PIK3R5: variants seen among roughly 807,000 people sequenced by gnomAD.
PIK3R5 encodes phosphoinositide-3-kinase regulatory subunit 5, also known as phosphoinositide 3-kinase regulatory subunit 5.
A neutral mutation model predicts 94.9 loss-of-function variants in PIK3R5; 32 were observed. That is an observed-to-expected ratio of 0.34 (90% CI 0.25 to 0.45). PIK3R5 has a LOEUF of 0.45. PIK3R5 is among the 20% of genes least tolerant of loss of function. The pLI is 1.00. For missense variants in PIK3R5, 853 were observed against 1,144.6 expected (o/e 0.75, Z 3.68); for synonymous variants, 443 against 479.4 (o/e 0.92, Z 0.99).
rs143251053 is a variant in PIK3R5, at chr17:8,892,500, A to C, written c.482+1086T>G. ...CCCTTATGTGAAAAATCCCTTTCTCACGGGGTTAACGTGAGGATTAAATGA... is the reference window on the plus strand; with the variant it reads ...CCCTTATGTGAAAAATCCCTTTCTCCCGGGGTTAACGTGAGGATTAAATGA... On this transcript the variant is annotated intron_variant, in intron 6 of 18. Transcript: ENST00000447110. This position sits in a 1 kb window ranked among gnomAD's most constrained non-coding sequence, Gnocchi z 4.3. Among the ~76,000 whole-genome samples the C allele has an allele frequency of 1.8e-3, 277 of 152,104 alleles. 1 individual carries two copies. The highest frequency in any genetic ancestry group is 6.2e-3 in the African/African-American group (256 of 41,480).
chr17:8,917,327 A>G (rs966416360), intron 1 of PIK3R5, among the ~76,000 whole-genome samples: 12 of 152,204 alleles, frequency 7.9e-5, no homozygotes, highest in African/African-American at 2.2e-4. Flanking sequence ...AATAATCGAA[A>G]TCAACCAGAA....
chr17:8,926,652 G>T (rs1457177751), intron 1 of PIK3R5, among the ~76,000 whole-genome samples: 1 of 152,050 alleles, frequency 6.6e-6, no homozygotes, highest in African/African-American at 2.4e-5. Flanking sequence ...ACAGTATGGG[G>T]GAAACTGCCC....
chr17:8,965,363 C>A (rs1160579823), intron 1 of PIK3R5, among the ~76,000 whole-genome samples: 1 of 152,198 alleles, frequency 6.6e-6, no homozygotes, highest in Admixed American at 6.5e-5. Context: ...GATAAGTGGT[C>A]CCCGCGACGC....
chr17:8,935,774 G>A lies in PIK3R5; in HGVS notation c.-13-24267C>T, dbSNP rs1159648975. 2.0e-5 allele frequency among the ~76,000 whole-genome samples: 3 copies of A among 152,114 alleles called. No individual in the cohort carries two copies. Among genetic ancestry groups the A allele is most frequent in the Non-Finnish European group, 4.4e-5 (3 of 68,018 alleles). ...ATTTCAGTCAACATAAGAAGACAAG[G>A]CCACGCATGGTGGCTCACGCTTGTA... On this transcript the variant is annotated intron_variant, in intron 1 of 18. Coordinates refer to ENST00000447110, the MANE Select transcript of PIK3R5 (RefSeq NM_001142633.3). This position sits in a 1 kb window ranked among gnomAD's most constrained non-coding sequence, Gnocchi z 4.5.
At chr17:8,921,259 T>C (rs2090737711) in intron 1 of PIK3R5, among the ~76,000 whole-genome samples, 1 of 152,390 alleles carries the variant, frequency 6.6e-6, no homozygotes, top group African/African-American at 2.4e-5. Flanking sequence ...TCATTTATTT[T>C]ATTACTCACT....
At chr17:8,936,627 A>G (rs2091081087) in intron 1 of PIK3R5, among the ~76,000 whole-genome samples, 1 of 152,096 alleles carries the variant, frequency 6.6e-6, no homozygotes, top group African/African-American at 2.4e-5. Flanking sequence ...ATAATATTCC[A>G]TTGTATGGAT....
intron 1 of PIK3R5, among the ~76,000 whole-genome samples, chr17:8,952,077 A>G (rs2091387021): frequency 6.6e-6 from 1 of 152,250 alleles, no homozygotes; most frequent in Non-Finnish European, 1.5e-5. Flanking sequence ...GGACCATGAG[A>G]TGAGAGCTAC....
rs1219777775 is a variant in PIK3R5, at chr17:8,881,285, G to T, written c.2383-268C>A. Reference sequence around the variant, plus strand: ...GCTGCCCTCACCGGAGCAGCCCCAGGTCCCCTGATCCAGAGCCTGCTTTCT... The same window carrying T: ...GCTGCCCTCACCGGAGCAGCCCCAGTTCCCCTGATCCAGAGCCTGCTTTCT... On this transcript the variant is annotated intron_variant, in intron 17 of 18. Transcript: ENST00000447110. The surrounding 1 kb of genome is among the most constrained non-coding windows in gnomAD (Gnocchi z 4.8). 1.3e-5 allele frequency among the ~76,000 whole-genome samples: 2 copies of T among 152,066 alleles called. No individual in the cohort carries two copies. Among genetic ancestry groups the T allele is most frequent in the Non-Finnish European group, 2.9e-5 (2 of 67,988 alleles).
intron 1 of PIK3R5, among the ~76,000 whole-genome samples, chr17:8,952,560 C>G (rs557383811): frequency 6.6e-6 from 1 of 152,146 alleles, no homozygotes; most frequent in African/African-American, 2.4e-5. Context: ...TATTTAAAGG[C>G]CAGACACTCA....
At chr17:8,950,381 T>A (rs1006008037) in intron 1 of PIK3R5, among the ~76,000 whole-genome samples, 3 of 152,188 alleles carry the variant, frequency 2.0e-5, no homozygotes, top group Admixed American at 2.0e-4. Context: ...AGGTTTGTTA[T>A]ATGGGTATAT....
At chr17:8,931,476 G>A (rs991116998) in intron 1 of PIK3R5, among the ~76,000 whole-genome samples, 13 of 152,146 alleles carry the variant, frequency 8.5e-5, no homozygotes, top group Admixed American at 4.6e-4. Context: ...AACACACAAG[G>A]GGAGCCTCTT....
intron 1 of PIK3R5, among the ~76,000 whole-genome samples, chr17:8,930,468 A>G (rs2090968058): frequency 6.6e-6 from 1 of 152,242 alleles, no homozygotes; most frequent in Non-Finnish European, 1.5e-5. Flanking sequence ...TTTATATCAC[A>G]AAATAACATA....
chr17:8,937,921 T>C (rs1330880099), intron 1 of PIK3R5, among the ~76,000 whole-genome samples: 1 of 152,206 alleles, frequency 6.6e-6, no homozygotes, highest in Non-Finnish European at 1.5e-5. Context: ...GTGATTCTCC[T>C]GCCTCAGCCT....
intron 14 of PIK3R5, chr17:8,885,149 T>C: frequency 3.8e-6 from 1 of 259,952 alleles, no homozygotes; most frequent in Non-Finnish European, 7.5e-6. Context: ...CCCCACCTCC[T>C]GGGTAACCCT....
intron 5 of PIK3R5, among the ~76,000 whole-genome samples, chr17:8,903,924 G>A (rs2090344027): frequency 6.6e-6 from 1 of 152,104 alleles, no homozygotes; most frequent in East Asian, 1.9e-4. Context: ...TTTTGCATAG[G>A]CAAATACCTA....
At chr17:8,901,263 G>GC (rs780151523) in intron 5 of PIK3R5, among the ~76,000 whole-genome samples, 9 of 152,190 alleles carry the variant, frequency 5.9e-5, no homozygotes, top group Non-Finnish European at 1.3e-4. Flanking sequence ...AGAGTCCAGC[G>GC]CCTCCTAAGG....
intron 3 of PIK3R5, among the ~76,000 whole-genome samples, chr17:8,906,042 G>T (rs1353063444): frequency 6.6e-6 from 1 of 152,088 alleles, no homozygotes; most frequent in Non-Finnish European, 1.5e-5. Flanking sequence ...AGAACGGGCA[G>T]GTTTGTTACA....
chr17:8,898,057 C>T (rs756545022), intron 5 of PIK3R5, among the ~76,000 whole-genome samples: 3 of 152,122 alleles, frequency 2.0e-5, no homozygotes, highest in Admixed American at 6.5e-5. Context: ...CTGATCACAC[C>T]GTGTGGTTTC....
rs79447131 is a variant in PIK3R5, at chr17:8,904,028, C to T, written c.412+749G>A. On this transcript the variant is annotated intron_variant, in intron 5 of 18. Coordinates refer to ENST00000447110, the MANE Select transcript of PIK3R5 (RefSeq NM_001142633.3). This position sits in a 1 kb window ranked among gnomAD's most constrained non-coding sequence, Gnocchi z 5.1. The stretch of plus-strand genomic sequence containing the variant: ...ATATTAAAAGCACTTCTAGAGTAAT[C>T]GTTTCCATATATTGAGGGGTTTTGA... Among the ~76,000 whole-genome samples the T allele has an allele frequency of 0.01, 1,596 of 152,290 alleles. 21 individuals are homozygous for T. The highest frequency in any genetic ancestry group is 0.036 in the African/African-American group (1,477 of 41,576).
Sources: gnomAD v4.1 joint callset for allele counts (sites outside exome capture counted in the v4.1 genomes callset) on GRCh38, gnomAD v4.1.1 for gene constraint, Gnocchi (gnomAD v3.1) non-coding constraint, MANE v1.5 for transcripts, NCBI Gene and HGNC (gene_info 2026-07-23, HGNC 2026-07-21) for gene names.